Variants in ASB13 observed in about 807,000 individuals in gnomAD.
ASB13 encodes the protein ankyrin repeat and SOCS box protein 13.
In ASB13, 33 loss-of-function variants were observed where a neutral mutation model predicts 28.8. The observed-to-expected ratio is 1.15, with a 90% CI of 0.87 to 1.53. ASB13 has a LOEUF of 1.53. Among genes scored for constraint, ASB13 ranks in the 40% most tolerant of loss-of-function variants. ASB13 has a pLI of 0.00. For synonymous variants in ASB13, 182 were observed against 172.9 expected, an observed-to-expected ratio of 1.05 and a Z score of -0.41; for missense variants, 414 against 390.1, an observed-to-expected ratio of 1.06 and a Z score of -0.52.
chr10:5,661,866 G>C lies in ASB13; in HGVS notation c.43+4643C>G, dbSNP rs1414606813. Among the ~76,000 whole-genome samples, 1 of 152,184 alleles carries C rather than the reference G, an allele frequency of 6.6e-6. No individual in the cohort carries two copies. Among genetic ancestry groups the C allele is most frequent in the African/African-American group, 2.4e-5 (1 of 41,444 alleles). ...CGAGTAAATCACCAAGGGGAGTCTG[G>C]GGTCCTGGCTGCAGAAATGTCATTT... On this transcript the variant is annotated intron_variant, in intron 1 of 5. Coordinates refer to ENST00000357700, the MANE Select transcript of ASB13 (RefSeq NM_024701.4). The surrounding 1 kb of genome is among the most constrained non-coding windows in gnomAD (Gnocchi z 4.9).
rs1834814815 is a variant in ASB13 at position 5,641,959 on chromosome 10, C to T, written c.520G>A (p.Ala174Thr). 6.2e-7 allele frequency: 1 copy of T among 1,600,800 alleles called. No homozygotes were observed. Among genetic ancestry groups the T allele is most frequent in the African/African-American group, 1.3e-5 (1 of 74,802 alleles). ...DCVKVLLNAG[A>T]NVNAAKLHET... ...TGAAGCTTTGCCGCATTCACGTTGG[C>T]CCCTGGAGGTCAAGAGTGCAGAAGA... is the stretch of plus-strand genomic sequence containing the variant. The change falls in exon 5 of 6, where the codon GCC (alanine) becomes ACC (threonine). Residue 174 changes from alanine to threonine, a missense_variant and splice_region_variant. Transcript: ENST00000357700. This position sits in a 1 kb window ranked among gnomAD's most constrained non-coding sequence, Gnocchi z 8.4.
At chr10:5,653,113 C>G (rs757487246) in intron 1 of ASB13, 63 bp from the exon 2 acceptor site, 1 of 1,440,504 alleles carries the variant, frequency 6.9e-7, no homozygotes, top group Non-Finnish European at 9.3e-7. Context: ...AATGAGCACA[C>G]GTAAGACTCC....
intron 1 of ASB13, among the ~76,000 whole-genome samples, chr10:5,654,195 C>T (rs1473457264): frequency 6.9e-6 from 1 of 144,140 alleles, no homozygotes; most frequent in Non-Finnish European, 1.5e-5. Context: ...ATTTCCCATA[C>T]AGCATCCAAC....
chr10:5,649,131 A>G lies in ASB13; in HGVS notation c.383-27T>C. The stretch of plus-strand genomic sequence containing the variant: ...TTAAGATAAATGGAAAAGGGGGGGA[A>G]TGTCCTTGAATACGGACACTGGAGA... On this transcript the variant is annotated intron_variant, in intron 3 of 5. Coordinates refer to ENST00000357700, the MANE Select transcript of ASB13 (RefSeq NM_024701.4). The surrounding 1 kb of genome is among the most constrained non-coding windows in gnomAD (Gnocchi z 6.4). The G allele has an allele frequency of 1.2e-6, 2 of 1,613,482 alleles. No individual in the cohort carries two copies. The highest frequency in any genetic ancestry group is 2.2e-5 in the East Asian group (1 of 44,864).
At position 5,654,145 on chromosome 10, in the gene ASB13, CT is replaced by C. The variant is rs145949502; in HGVS notation, c.44-1096del. ...GTTAACTGGGTTTTCTTCTTTTTTT[CT>C]TTTTTTTTTTTTTTGTCTCAGTCAA... is the stretch of plus-strand genomic sequence containing the variant. On this transcript the variant is annotated intron_variant, in intron 1 of 5. Transcript: ENST00000357700. Among the ~76,000 whole-genome samples, 647 of 128,736 alleles carry C rather than the reference CT, an allele frequency of 5.0e-3. 6 individuals carry two copies. Among genetic ancestry groups the C allele is most frequent in the African/African-American group, 0.016 (531 of 34,144 alleles). 84.5% of individuals were successfully genotyped at this position (128,736 alleles called of 152,430 possible). A position where few individuals can be genotyped will look rare whatever the true frequency, so the allele number is the denominator to read the frequency against.
chr10:5,644,755 C>T lies in ASB13; in HGVS notation c.518-2794G>A, dbSNP rs954185747. On this transcript the variant is annotated intron_variant, in intron 4 of 5. Coordinates refer to ENST00000357700, the MANE Select transcript of ASB13 (RefSeq NM_024701.4). The surrounding 1 kb of genome is among the most constrained non-coding windows in gnomAD (Gnocchi z 5.1). Reference sequence around the variant, plus strand: ...ATCGCTTGAACCAGGGAGATGGAGGCTGCAGTGAGCAGAGATCACACCACT... The same window carrying T: ...ATCGCTTGAACCAGGGAGATGGAGGTTGCAGTGAGCAGAGATCACACCACT... 2.6e-5 allele frequency among the ~76,000 whole-genome samples: 4 copies of T among 151,868 alleles called. No homozygotes were observed. The East Asian group carries it at 7.7e-4, about 29-fold the overall frequency.
chr10:5,654,491 T>C, intron 1 of ASB13, among the ~76,000 whole-genome samples: 1 of 152,350 alleles, frequency 6.6e-6, no homozygotes. Flanking sequence ...GTTTCTTTAT[T>C]GTCTAAACCA....
chr10:5,666,459 A>C lies in ASB13; in HGVS notation c.43+50T>G, dbSNP rs76394459. ...GGCCATCGGATACGCGGCCGGCCTC[A>C]GGAGCCGGCGCCGCTGCCTCGCTCT... On this transcript the variant is annotated intron_variant, in intron 1 of 5. Coordinates refer to ENST00000357700, the MANE Select transcript of ASB13 (RefSeq NM_024701.4). 7.8e-4 allele frequency: 986 copies of C among 1,268,268 alleles called. 6 individuals carry two copies. In the African/African-American group the frequency reaches 0.015, roughly 19 times the overall value. 78.6% of individuals were successfully genotyped at this position (1,268,268 alleles called of 1,614,324 possible).
chr10:5,641,636 G>A lies in ASB13; in HGVS notation c.709+134C>T. ...AAACAGCCCCCGCAAAGTGCTTAAG[G>A]GTCTGTCCTAGCGCAGAGGACAGGA... On this transcript the variant is annotated intron_variant, in intron 5 of 5. Transcript: ENST00000357700. The surrounding 1 kb of genome is among the most constrained non-coding windows in gnomAD (Gnocchi z 8.4). 1.1e-6 allele frequency: 1 copy of A among 933,682 alleles called. No homozygotes were observed. Among genetic ancestry groups the A allele is most frequent in the African/African-American group, 1.7e-5 (1 of 60,508 alleles). The allele number at this position is 933,682 out of a possible 1,614,324, so 57.8% of individuals were successfully genotyped here. A position where few individuals can be genotyped will look rare whatever the true frequency, so the allele number is the denominator to read the frequency against.
At chr10:5,647,557 C>A (rs973906874) in intron 4 of ASB13, among the ~76,000 whole-genome samples, 1 of 152,220 alleles carries the variant, frequency 6.6e-6, no homozygotes, top group Non-Finnish European at 1.5e-5. Flanking sequence ...AACTCCACTT[C>A]CCATTACATC....
Position 5,652,059 on chromosome 10 carries a change from CA to C in ASB13, c.232-697del, listed in dbSNP as rs746277075. 3.6e-3 allele frequency among the ~76,000 whole-genome samples: 514 copies of C among 141,800 alleles called. 1 individual carries two copies. The highest frequency in any genetic ancestry group is 6.0e-3 in the Non-Finnish European group (392 of 64,878). The allele number at this position is 141,800 out of a possible 152,430, so 93.0% of individuals were successfully genotyped here. A position where few individuals can be genotyped will look rare whatever the true frequency, so the allele number is the denominator to read the frequency against. ...ACACACACACACACACACACACACACACAAAACTCTAACCTCAATGGAAGGA... is the reference window on the plus strand; with the variant it reads ...ACACACACACACACACACACACACACCAAAACTCTAACCTCAATGGAAGGA... On this transcript the variant is annotated intron_variant, in intron 2 of 5. Transcript: ENST00000357700. This position sits in a 1 kb window ranked among gnomAD's most constrained non-coding sequence, Gnocchi z 5.0.
rs1176067041 is a variant in ASB13 at position 5,652,210 on chromosome 10, C to T, written c.231+653G>A. On this transcript the variant is annotated intron_variant, in intron 2 of 5. Coordinates refer to ENST00000357700, the MANE Select transcript of ASB13 (RefSeq NM_024701.4). This position sits in a 1 kb window ranked among gnomAD's most constrained non-coding sequence, Gnocchi z 5.0. ...AATTCAAATTCTATTTGGGTACACA[C>T]TGAAATCGGTTCCATTCCAACCTTT... Among the ~76,000 whole-genome samples the T allele has an allele frequency of 6.6e-6, 1 of 152,170 alleles. No individual in the cohort carries two copies. Among genetic ancestry groups the T allele is most frequent in the Non-Finnish European group, 1.5e-5 (1 of 68,046 alleles).
At chr10:5,657,965 T>G (rs575976529) in intron 1 of ASB13, among the ~76,000 whole-genome samples, 2 of 148,886 alleles carry the variant, frequency 1.3e-5, no homozygotes, top group Middle Eastern at 3.7e-3. Flanking sequence ...ATGGCCAACA[T>G]GGGGAAACCC....
rs1017727112 is a variant in ASB13, at chr10:5,642,229, C to G, written c.518-268G>C. The stretch of plus-strand genomic sequence containing the variant: ...AGAACCGAAAAGAAGAAAAATAAAA[C>G]GAAAAATGTCCTGAGTTAAACAACC... On this transcript the variant is annotated intron_variant, in intron 4 of 5. Transcript: ENST00000357700. This position sits in a 1 kb window ranked among gnomAD's most constrained non-coding sequence, Gnocchi z 4.1. Among the ~76,000 whole-genome samples the G allele has an allele frequency of 2.0e-5, 3 of 152,038 alleles. No homozygotes were observed. Among genetic ancestry groups the G allele is most frequent in the Admixed American group, 2.0e-4 (3 of 15,252 alleles).
chr10:5,666,553 C>G lies in ASB13; in HGVS notation c.-2G>C. The G allele has an allele frequency of 1.7e-6, 2 of 1,174,234 alleles. No individual in the cohort carries two copies. The highest frequency in any genetic ancestry group is 3.9e-5 in the East Asian group (1 of 25,772). The allele number at this position is 1,174,234 out of a possible 1,614,324, so 72.7% of individuals were successfully genotyped here. ...GCCGTCCGCCGCCCGGGGCTCCATG[C>G]GGCTCACCGGCGGCCGCGCGGCGAC... On this transcript the variant is annotated 5_prime_UTR_variant, in exon 1 of 6. Transcript: ENST00000357700.
Position 5,663,678 on chromosome 10 carries a change from T to TA in ASB13, c.43+2830dup, listed in dbSNP as rs1246011575. The stretch of plus-strand genomic sequence containing the variant: ...GCCGAGTCGAGGAGGAGGATAGAGG[T>TA]ACTGTTTTGCCCATAAACATGCTTC... On this transcript the variant is annotated intron_variant, in intron 1 of 5. Transcript: ENST00000357700. The surrounding 1 kb of genome is among the most constrained non-coding windows in gnomAD (Gnocchi z 4.9). 1.3e-5 allele frequency among the ~76,000 whole-genome samples: 2 copies of TA among 152,144 alleles called. No individual in the cohort carries two copies. Among genetic ancestry groups the TA allele is most frequent in the African/African-American group, 4.8e-5 (2 of 41,420 alleles).
At chr10:5,654,503 G>C (rs763154280) in intron 1 of ASB13, among the ~76,000 whole-genome samples, 2 of 152,198 alleles carry the variant, frequency 1.3e-5, no homozygotes, top group East Asian at 3.8e-4. Flanking sequence ...TCTAAACCAG[G>C]TGCAGACAAA....
chr10:5,640,661 G>A lies in ASB13; in HGVS notation c.*42C>T. On this transcript the variant is annotated 3_prime_UTR_variant, in exon 6 of 6. Transcript: ENST00000357700. ...GCAGAGCCCTCACCCGGGCAATGCT[G>A]GGCACAACGGGGGCAGCCACGGTCC... The A allele has an allele frequency of 6.2e-7, 1 of 1,612,506 alleles. No homozygotes were observed. Among genetic ancestry groups the A allele is most frequent in the Non-Finnish European group, 8.5e-7 (1 of 1,178,866 alleles).
rs1588514233 is a variant in ASB13 at position 5,652,789 on chromosome 10, A to G, written c.231+74T>C. On this transcript the variant is annotated intron_variant, in intron 2 of 5. Transcript: ENST00000357700. The surrounding 1 kb of genome is among the most constrained non-coding windows in gnomAD (Gnocchi z 5.0). ...AGCCCCCATCCTCCCCTCTTTCCCAAGTTCTCCTGAGTCAACCTCCTCCAT... is the reference window on the plus strand; with the variant it reads ...AGCCCCCATCCTCCCCTCTTTCCCAGGTTCTCCTGAGTCAACCTCCTCCAT... The G allele has an allele frequency of 9.2e-6, 13 of 1,418,314 alleles. No individual in the cohort carries two copies. In the East Asian group the frequency reaches 3.0e-4, roughly 33 times the overall value. 87.9% of individuals were successfully genotyped at this position (1,418,314 alleles called of 1,614,324 possible).
Sources: gnomAD v4.1 joint callset for allele counts (sites outside exome capture counted in the v4.1 genomes callset) on GRCh38, gnomAD v4.1.1 for gene constraint, Gnocchi (gnomAD v3.1) non-coding constraint, MANE v1.5 for transcripts, NCBI Gene and HGNC (gene_info 2026-07-23, HGNC 2026-07-21) for gene names.